CCDC149: variants seen among roughly 807,000 people sequenced by gnomAD.
The protein encoded by CCDC149 is coiled-coil domain containing 149.
CCDC149 carries 45 observed loss-of-function variants against 59.9 expected under a neutral mutation model. The observed-to-expected ratio is 0.75, with a 90% confidence interval of 0.59 to 0.96. CCDC149 has a LOEUF of 0.96. CCDC149 is among the 40% of genes least tolerant of loss of function. The pLI is 0.00. For missense variants in CCDC149, 584 were observed against 664.7 expected (o/e 0.88, Z 1.33); for synonymous variants, 245 against 260.6 (o/e 0.94, Z 0.58).
intron 7 of CCDC149, among the ~76,000 whole-genome samples, chr4:24,836,218 C>G (rs1716509308): frequency 6.6e-6 from 1 of 152,204 alleles, no homozygotes; most frequent in African/African-American, 2.4e-5. Context: ...GCTCAGATAA[C>G]AGCCACAGAA....
chr4:24,857,242 C>A (rs1486648255), intron 3 of CCDC149, among the ~76,000 whole-genome samples: 2 of 152,070 alleles, frequency 1.3e-5, no homozygotes. Context: ...CAGTACAACT[C>A]AATCTGTTGG....
At chr4:24,955,639 T>C (rs529552575) in intron 1 of CCDC149, among the ~76,000 whole-genome samples, 124 of 152,180 alleles carry the variant, frequency 8.1e-4, no homozygotes, top group Non-Finnish European at 1.2e-3. Context: ...AAACAAATAT[T>C]GTATGATTCT....
chr4:24,935,881 C>T (rs894609722), intron 1 of CCDC149, among the ~76,000 whole-genome samples: 11 of 152,124 alleles, frequency 7.2e-5, no homozygotes, highest in Non-Finnish European at 1.5e-5. Context: ...TGAAACTGAA[C>T]GGAACCTAGA....
Position 24,821,070 on chromosome 4 carries a change from A to G in CCDC149, c.1060T>C (p.Ser354Pro). The G allele has an allele frequency of 8.1e-7, 1 of 1,231,356 alleles. No individual in the cohort carries two copies. Among genetic ancestry groups the G allele is most frequent in the Non-Finnish European group, 1.0e-6 (1 of 987,644 alleles). 76.3% of individuals were successfully genotyped at this position (1,231,356 alleles called of 1,614,324 possible). Residue 354 changes from serine to proline, a missense_variant, in exon 11 of 13, where the codon TCA (serine) becomes CCA (proline). By Grantham distance (74) the Ser-to-Pro change is moderately conservative (BLOSUM62 -1). Transcript: ENST00000635206. ...CAGAACATACTCCCAAATCCTACTGAAACATTGTAGCTCAGGCCTTCAGGC... is the reference window on the plus strand; with the variant it reads ...CAGAACATACTCCCAAATCCTACTGGAACATTGTAGCTCAGGCCTTCAGGC...
chr4:24,900,406 C>T (rs77520288), intron 1 of CCDC149, among the ~76,000 whole-genome samples: 1 of 152,292 alleles, frequency 6.6e-6, no homozygotes, highest in East Asian at 1.9e-4. Context: ...TGGGCAGGCA[C>T]ATCCATGAGC....
rs972531054 is a variant in CCDC149, at chr4:24,942,892, A to C, written c.-65+37177T>G. On this transcript the variant is annotated intron_variant, in intron 1 of 12. Coordinates refer to the CCDC149 transcript ENST00000389609. ...ACTACAAACCACTGCTCAATGAAAT[A>C]AAAGAGGATACAAACAAATGGAAGA... 4.6e-5 allele frequency among the ~76,000 whole-genome samples: 7 copies of C among 152,062 alleles called. No individual in the cohort carries two copies. The East Asian group carries it at 1.4e-3, about 29-fold the overall frequency.
At chr4:24,946,406 T>C (rs1723110798) in intron 1 of CCDC149, among the ~76,000 whole-genome samples, 1 of 152,204 alleles carries the variant, frequency 6.6e-6, no homozygotes, top group Non-Finnish European at 1.5e-5. Flanking sequence ...TGTACTTAGC[T>C]GGGTTAAAGA....
chr4:24,975,561 G>A (rs1004026438), intron 1 of CCDC149, among the ~76,000 whole-genome samples: 5 of 133,146 alleles, frequency 3.8e-5, no homozygotes, highest in African/African-American at 1.3e-4. Context: ...GAAAGGAGAG[G>A]AGAGGGGAGG....
chr4:24,850,847 T>C lies in CCDC149; in HGVS notation c.372+2225A>G, dbSNP rs1278634464. On this transcript the variant is annotated intron_variant, in intron 4 of 12. Coordinates refer to ENST00000635206, the MANE Select transcript of CCDC149 (RefSeq NM_001330643.2). Reference sequence around the variant, plus strand: ...ATTATGGAATGAGTAATCTGGCCTCTGGTGGGGGTTGGGGGAAGGATGATC... The same window carrying C: ...ATTATGGAATGAGTAATCTGGCCTCCGGTGGGGGTTGGGGGAAGGATGATC... Among the ~76,000 whole-genome samples the C allele has an allele frequency of 2.6e-5, 4 of 152,100 alleles. No individual in the cohort carries two copies. In the East Asian group the frequency reaches 7.7e-4, roughly 29 times the overall value.
At chr4:24,960,376 T>C (rs532437471) in intron 1 of CCDC149, among the ~76,000 whole-genome samples, 2 of 152,204 alleles carry the variant, frequency 1.3e-5, no homozygotes, top group East Asian at 3.9e-4. Context: ...TCACAGAAAA[T>C]ACTCAGTCCC....
chr4:24,942,953 G>A (rs562189972), intron 1 of CCDC149, among the ~76,000 whole-genome samples: 81 of 151,398 alleles, frequency 5.4e-4, no homozygotes, highest in African/African-American at 1.6e-3. Flanking sequence ...AATCAATATC[G>A]TGAAAATGGC....
At chr4:24,893,612 A>ATTTT (rs1560241640) in intron 1 of CCDC149, among the ~76,000 whole-genome samples, 1 of 9,386 alleles carries the variant, frequency 1.1e-4, no homozygotes, top group African/African-American at 3.0e-4. Context: ...TAAAATACAG[A>ATTTT]CTTTTTTTTT....
chr4:24,874,897 C>T (rs1719312905), intron 2 of CCDC149, among the ~76,000 whole-genome samples: 1 of 152,162 alleles, frequency 6.6e-6, no homozygotes, highest in South Asian at 2.1e-4. Context: ...GTATCATTTG[C>T]ATCTTAAACG....
chr4:24,912,575 G>A (rs1023841780), intron 1 of CCDC149, among the ~76,000 whole-genome samples: 1 of 152,114 alleles, frequency 6.6e-6, no homozygotes, highest in Non-Finnish European at 1.5e-5. Context: ...CCCTGCCTTG[G>A]GGGGAAGGCC....
At chr4:24,909,729 G>A (rs893478244) in intron 1 of CCDC149, among the ~76,000 whole-genome samples, 32 of 152,148 alleles carry the variant, frequency 2.1e-4, no homozygotes, top group Admixed American at 2.0e-3. Context: ...TAAGTCTCAC[G>A]AGATCTGATG....
chr4:24,912,718 C>G (rs1249551991), intron 1 of CCDC149, 99 bp downstream of exon 1: 2 of 846,358 alleles, frequency 2.4e-6, no homozygotes, highest in Non-Finnish European at 3.0e-6. Context: ...TGCGCGCCCC[C>G]CTCTCGTCCC....
chr4:24,967,723 T>C (rs73804927), intron 1 of CCDC149, among the ~76,000 whole-genome samples: 1,690 of 151,570 alleles, frequency 0.011, 32 homozygotes, highest in African/African-American at 0.039. Flanking sequence ...ATATTGATGA[T>C]ATTATGTTAA....
intron 1 of CCDC149, among the ~76,000 whole-genome samples, chr4:24,957,405 G>T (rs1476569790): frequency 6.6e-6 from 1 of 152,164 alleles, no homozygotes; most frequent in African/African-American, 2.4e-5. Flanking sequence ...GCTGAAGGAG[G>T]AGTATTAAGC....
At chr4:24,842,695 G>C (rs1214614675) in intron 4 of CCDC149, among the ~76,000 whole-genome samples, 1 of 152,186 alleles carries the variant, frequency 6.6e-6, no homozygotes, top group Non-Finnish European at 1.5e-5. Context: ...TGGTAAAACG[G>C]CTTCTGGGTG....
Sources: gnomAD v4.1 joint callset for allele counts (sites outside exome capture counted in the v4.1 genomes callset) on GRCh38, gnomAD v4.1.1 for gene constraint, MANE v1.5 for transcripts, NCBI Gene and HGNC (gene_info 2026-07-23, HGNC 2026-07-21) for gene names.